The following FNIP2 variants were observed in gnomAD, a reference collection of about 807,000 sequenced individuals.
FNIP2 encodes folliculin interacting protein 2.
FNIP2 carries 32 observed loss-of-function variants against 108.7 expected under a neutral mutation model. The ratio of observed to expected loss-of-function variants is 0.29; its 90% CI spans 0.22 to 0.40. FNIP2 has a LOEUF of 0.40. Ranked by LOEUF, FNIP2 falls within the 10% of genes least tolerant of loss-of-function variation. FNIP2 has a pLI of 1.00. For synonymous variants in FNIP2, 480 were observed against 496.7 expected (o/e 0.97, Z 0.45); for missense variants, 1,202 against 1,381.6 (o/e 0.87, Z 2.06).
At chr4:158,790,525 G>C (rs974927036) in intron 1 of FNIP2, among the ~76,000 whole-genome samples, 5 of 152,072 alleles carry the variant, frequency 3.3e-5, no homozygotes, top group Non-Finnish European at 7.4e-5. Context: ...GGTGAGGCAG[G>C]AGGATCACTT....
chr4:158,780,968 G>A (rs1776023150), intron 1 of FNIP2, among the ~76,000 whole-genome samples: 1 of 151,578 alleles, frequency 6.6e-6, no homozygotes, highest in Non-Finnish European at 1.5e-5. Flanking sequence ...CCCAGAGGCG[G>A]AGGTTGCAGT....
intron 15 of FNIP2, 132 bp from the exon 16 acceptor site, chr4:158,895,618 T>G: frequency 1.6e-6 from 1 of 622,316 alleles, no homozygotes; most frequent in Non-Finnish European, 2.9e-6. Flanking sequence ...TGGCTTGTGA[T>G]TTTTTAAGTG....
At chr4:158,875,436 C>T (rs968251405) in intron 14 of FNIP2, among the ~76,000 whole-genome samples, 3 of 149,658 alleles carry the variant, frequency 2.0e-5, no homozygotes, top group Non-Finnish European at 3.0e-5. Flanking sequence ...TAATTTTAAG[C>T]GTAGCAACAG....
intron 1 of FNIP2, among the ~76,000 whole-genome samples, chr4:158,815,486 C>T (rs1777514519): frequency 1.3e-5 from 2 of 151,824 alleles, no homozygotes; most frequent in Non-Finnish European, 2.9e-5. Context: ...GGGTTCACGC[C>T]GTTCTCCTGT....
At chr4:158,818,962 C>G (rs958586608) in intron 1 of FNIP2, among the ~76,000 whole-genome samples, 4 of 152,206 alleles carry the variant, frequency 2.6e-5, no homozygotes, top group Non-Finnish European at 5.9e-5. Flanking sequence ...TGACTCACAT[C>G]CATCACTCAC....
chr4:158,904,116 A>T (rs1221779902), intron 16 of FNIP2, among the ~76,000 whole-genome samples: 2 of 152,234 alleles, frequency 1.3e-5, no homozygotes, highest in African/African-American at 4.8e-5. Flanking sequence ...GAATGAGTTT[A>T]TAATGGAGAA....
chr4:158,777,733 G>A (rs1775905990), intron 1 of FNIP2, among the ~76,000 whole-genome samples: 1 of 152,216 alleles, frequency 6.6e-6, no homozygotes, highest in South Asian at 2.1e-4. Context: ...CCATGTGGAC[G>A]CTGGTAACTG....
intron 16 of FNIP2, among the ~76,000 whole-genome samples, chr4:158,903,811 T>C (rs1328835484): frequency 1.3e-5 from 2 of 152,212 alleles, no homozygotes; most frequent in African/African-American, 4.8e-5. Flanking sequence ...GTTCAATTTT[T>C]TTTTTTCATG....
Position 158,904,630 on chromosome 4 carries a change from A to G in FNIP2, c.*86A>G, listed in dbSNP as rs546390500. The G allele has an allele frequency of 2.5e-6, 3 of 1,177,926 alleles. No individual in the cohort carries two copies. The highest frequency in any genetic ancestry group is 4.7e-5 in the East Asian group (2 of 42,636). 73.0% of individuals were successfully genotyped at this position (1,177,926 alleles called of 1,614,324 possible). A position where few individuals can be genotyped will look rare whatever the true frequency, so the allele number is the denominator to read the frequency against. On this transcript the variant is annotated 3_prime_UTR_variant, in exon 17 of 17. Coordinates refer to ENST00000264433, the MANE Select transcript of FNIP2 (RefSeq NM_020840.3). ...AAGGAATAAGCTCTCTGTGATGTCAAAAGCATGAGAAGAGCAAACAGAAAC... is the reference window on the plus strand; with the variant it reads ...AAGGAATAAGCTCTCTGTGATGTCAGAAGCATGAGAAGAGCAAACAGAAAC...
Position 158,868,307 on chromosome 4 carries a change from G to T in FNIP2, c.1671G>T (p.Leu557Phe), listed in dbSNP as rs1319204688. 6.2e-7 allele frequency: 1 copy of T among 1,614,050 alleles called. No individual in the cohort carries two copies. The highest frequency in any genetic ancestry group is 1.7e-5 in the Admixed American group (1 of 60,036). The change falls in exon 13 of 17, where the codon TTG becomes TTT. Residue 557 changes from leucine (L) to phenylalanine (F), a missense_variant. Transcript: ENST00000264433. This position sits in a 1 kb window ranked among gnomAD's most constrained non-coding sequence, Gnocchi z 4.6. ...ATGGGAGCAAGATCATAACAGCCTT[G>T]GAGAAAGGAGAGGTGGAGGAGTCTG... The part of the protein sequence containing the change: ...VLNGSKIITA[L>F]EKGEVEESEY...
intron 7 of FNIP2, among the ~76,000 whole-genome samples, chr4:158,843,257 G>A (rs779746095): frequency 5.3e-5 from 8 of 152,120 alleles, no homozygotes; most frequent in Admixed American, 1.3e-4. Context: ...TCTAAATGCC[G>A]TATATACTGT....
At chr4:158,903,202 T>C (rs1200243985) in intron 16 of FNIP2, among the ~76,000 whole-genome samples, 1 of 152,076 alleles carries the variant, frequency 6.6e-6, no homozygotes, top group African/African-American at 2.4e-5. Context: ...GATATTGAGT[T>C]CCTCACGGCT....
At chr4:158,862,161 A>G (rs983944676) in intron 12 of FNIP2, among the ~76,000 whole-genome samples, 1 of 152,130 alleles carries the variant, frequency 6.6e-6, no homozygotes, top group Admixed American at 6.5e-5. Context: ...CTTGGCCTCC[A>G]TTTACTAGAT....
intron 1 of FNIP2, among the ~76,000 whole-genome samples, chr4:158,784,791 C>T (rs1776165074): frequency 6.6e-6 from 1 of 152,224 alleles, no homozygotes; most frequent in African/African-American, 2.4e-5. Flanking sequence ...GGCCCGGTTC[C>T]TAACAGGCCA....
intron 1 of FNIP2, among the ~76,000 whole-genome samples, chr4:158,777,323 CAATATT>C (rs1396404046): frequency 6.6e-6 from 1 of 152,078 alleles, no homozygotes; most frequent in Non-Finnish European, 1.5e-5. Flanking sequence ...ATTGTGAAAA[CAATATT>C]GATATTCTGA....
intron 1 of FNIP2, among the ~76,000 whole-genome samples, chr4:158,816,675 C>T (rs1777588705): frequency 6.6e-6 from 1 of 151,440 alleles, no homozygotes; most frequent in East Asian, 1.9e-4. Context: ...ATCCCAGCTA[C>T]TTGGGAGGCT....
chr4:158,818,974 C>T (rs1179732255), intron 1 of FNIP2, among the ~76,000 whole-genome samples: 1 of 152,226 alleles, frequency 6.6e-6, no homozygotes, highest in Non-Finnish European at 1.5e-5. Context: ...ATCACTCACC[C>T]AACTGTGTGG....
At chr4:158,883,276 C>T (rs1328401157) in intron 14 of FNIP2, among the ~76,000 whole-genome samples, 1 of 151,986 alleles carries the variant, frequency 6.6e-6, no homozygotes, top group African/African-American at 2.4e-5. Flanking sequence ...GAGTCTGGCT[C>T]TGTCGTCCAG....
At chr4:158,884,499 G>A (rs974380348) in intron 14 of FNIP2, among the ~76,000 whole-genome samples, 1 of 152,190 alleles carries the variant, frequency 6.6e-6, no homozygotes, top group Admixed American at 6.5e-5. Context: ...GTGCATGTGG[G>A]AAGGTTTCCA....
Sources: allele counts gnomAD v4.1 joint callset (sites outside exome capture counted in the v4.1 genomes callset), GRCh38; gene constraint gnomAD v4.1.1; non-coding constraint Gnocchi (gnomAD v3.1); transcripts MANE v1.5; gene names NCBI Gene and HGNC (gene_info 2026-07-23, HGNC 2026-07-21).